The following ZNF385D variants were observed in gnomAD, a reference collection of about 807,000 sequenced individuals.
ZNF385D encodes zinc finger protein 659.
In ZNF385D, 15 loss-of-function variants were observed where a neutral mutation model predicts 35.8. The observed-to-expected ratio is 0.42, with a 90% CI of 0.28 to 0.64. ZNF385D has a LOEUF of 0.64. Among genes scored for constraint, ZNF385D ranks in the 30% least tolerant of loss-of-function variants. ZNF385D has a pLI of 0.23. For missense variants in ZNF385D, 474 were observed against 494.6 expected, an observed-to-expected ratio of 0.96 and a Z score of 0.39; for synonymous variants, 212 against 186.8, an observed-to-expected ratio of 1.13 and a Z score of -1.10.
intron 3 of ZNF385D, among the ~76,000 whole-genome samples, chr3:22,156,260 T>G (rs1189036891): frequency 2.0e-5 from 3 of 152,042 alleles, no homozygotes; most frequent in African/African-American, 7.2e-5. Flanking sequence ...AAAATATTGC[T>G]GAAAGGAAGT....
chr3:21,878,819 G>C (rs1438447074), intron 3 of ZNF385D, among the ~76,000 whole-genome samples: 1 of 152,046 alleles, frequency 6.6e-6, no homozygotes, highest in African/African-American at 2.4e-5. Flanking sequence ...AGATTAGCAA[G>C]TTATTTTCAA....
At chr3:22,284,363 TTTA>T (rs1701919702) in intron 2 of ZNF385D, among the ~76,000 whole-genome samples, 2 of 151,976 alleles carry the variant, frequency 1.3e-5, no homozygotes, top group South Asian at 2.1e-4. Flanking sequence ...TATTCTTTTT[TTTA>T]TTTTTAGTAG....
chr3:22,234,892 T>G (rs1699091250), intron 2 of ZNF385D, among the ~76,000 whole-genome samples: 1 of 152,108 alleles, frequency 6.6e-6, no homozygotes, highest in Admixed American at 6.6e-5. Context: ...TTCTATAAGT[T>G]CTTAAATAAT....
At chr3:21,671,975 G>A (rs937367130) in intron 1 of ZNF385D, among the ~76,000 whole-genome samples, 4 of 152,056 alleles carry the variant, frequency 2.6e-5, no homozygotes, top group Non-Finnish European at 4.4e-5. Context: ...GACCAAATCG[G>A]ATAAATAAAT....
chr3:22,293,146 G>T (rs953064154), intron 2 of ZNF385D, among the ~76,000 whole-genome samples: 1 of 151,844 alleles, frequency 6.6e-6, no homozygotes, highest in Non-Finnish European at 1.5e-5. Flanking sequence ...CCTCAAAAAA[G>T]CCTTCATAGA....
At chr3:21,592,549 A>AAAC (rs1553619280) in intron 2 of ZNF385D, among the ~76,000 whole-genome samples, 4 of 109,362 alleles carry the variant, frequency 3.7e-5, no homozygotes, top group Admixed American at 9.1e-5. Context: ...ATGGCAAAAA[A>AAAC]AAAAAACCAA....
chr3:21,421,686 C>G (rs1700746820), intron 7 of ZNF385D, among the ~76,000 whole-genome samples: 1 of 152,172 alleles, frequency 6.6e-6, no homozygotes, highest in Non-Finnish European at 1.5e-5. Flanking sequence ...GAAAAGTACT[C>G]AGCAACCTTA....
At chr3:21,759,015 A>C (rs947787520) in intron 3 of ZNF385D, among the ~76,000 whole-genome samples, 2 of 131,538 alleles carry the variant, frequency 1.5e-5, no homozygotes, top group Non-Finnish European at 3.1e-5. Context: ...AACAGTGGTG[A>C]TGCTATTGTA....
intron 3 of ZNF385D, among the ~76,000 whole-genome samples, chr3:21,758,359 C>T (rs73036602): frequency 0.025 from 3,749 of 152,288 alleles, 80 homozygotes; most frequent in Middle Eastern, 0.051. Flanking sequence ...TAACATCAGA[C>T]ATTGCCTATG....
intron 3 of ZNF385D, among the ~76,000 whole-genome samples, chr3:21,995,543 T>G (rs959597895): frequency 6.6e-6 from 1 of 152,034 alleles, no homozygotes; most frequent in African/African-American, 2.4e-5. Context: ...CCCAGGTCGC[T>G]GGATGATGTG....
chr3:21,430,666 C>T (rs967171440), intron 5 of ZNF385D, among the ~76,000 whole-genome samples: 2 of 152,098 alleles, frequency 1.3e-5, no homozygotes, highest in African/African-American at 4.8e-5. Context: ...ATAGAAAACA[C>T]TAAGGCTCTA....
intron 3 of ZNF385D, among the ~76,000 whole-genome samples, chr3:21,892,478 TG>T: frequency 1.3e-5 from 2 of 152,320 alleles, no homozygotes; most frequent in Non-Finnish European, 1.5e-5. Context: ...GTTTGTGCTT[TG>T]CTCTGATTAG....
chr3:21,726,952 T>C (rs1020565056), intron 1 of ZNF385D, among the ~76,000 whole-genome samples: 2 of 152,144 alleles, frequency 1.3e-5, no homozygotes, highest in African/African-American at 4.8e-5. Context: ...CAGAACAGCA[T>C]AGTACTGGTA....
rs146596359 is a variant in ZNF385D at position 21,916,928 on chromosome 3, G to C, written c.325+251889C>G. Among the ~76,000 whole-genome samples the C allele has an allele frequency of 7.6e-4, 116 of 152,246 alleles. 2 individuals are homozygous for C. The highest frequency in any genetic ancestry group is 2.8e-3 in the African/African-American group (115 of 41,550). On this transcript the variant is annotated intron_variant, in intron 3 of 5. Coordinates refer to the ZNF385D transcript ENST00000494108. ...ACCAATTTCCAATCCCATTCTGTAT[G>C]TCGATTAGCGTTAGCTCCCCCACAC...
chr3:21,640,926 G>A (rs1013740769), intron 2 of ZNF385D, among the ~76,000 whole-genome samples: 3 of 152,066 alleles, frequency 2.0e-5, no homozygotes, highest in African/African-American at 7.2e-5. Context: ...CTGCACATGT[G>A]AGAACCCACA....
chr3:21,809,202 G>A (rs1366748799), intron 3 of ZNF385D, among the ~76,000 whole-genome samples: 1 of 151,894 alleles, frequency 6.6e-6, no homozygotes, highest in Non-Finnish European at 1.5e-5. Context: ...AAATGCTCCA[G>A]CATGCAATAA....
intron 2 of ZNF385D, among the ~76,000 whole-genome samples, chr3:22,264,031 T>A (rs1220606545): frequency 6.6e-6 from 1 of 151,954 alleles, no homozygotes; most frequent in Non-Finnish European, 1.5e-5. Context: ...TCATGAGCAA[T>A]GTGAATATAA....
At chr3:22,078,156 A>G (rs1700560636) in intron 3 of ZNF385D, among the ~76,000 whole-genome samples, 1 of 152,064 alleles carries the variant, frequency 6.6e-6, no homozygotes, top group Non-Finnish European at 1.5e-5. Context: ...CGGAAACGTC[A>G]AACTGGATAT....
intron 3 of ZNF385D, among the ~76,000 whole-genome samples, chr3:21,788,876 G>A (rs1162686652): frequency 1.3e-5 from 2 of 152,248 alleles, no homozygotes; most frequent in East Asian, 3.9e-4. Context: ...GAGACGCTGT[G>A]CTATAACAGC....
Sources: allele counts gnomAD v4.1 joint callset (sites outside exome capture counted in the v4.1 genomes callset), GRCh38; gene constraint gnomAD v4.1.1; transcripts MANE v1.5; gene names NCBI Gene and HGNC (gene_info 2026-07-23, HGNC 2026-07-21).